The following UNC80 variants were observed in gnomAD, a reference collection of about 807,000 sequenced individuals.
The protein encoded by UNC80 is unc-80 subunit of NALCN channel complex.
A neutral mutation model predicts 384.6 loss-of-function variants in UNC80; 164 were observed. The observed-to-expected ratio is 0.43, with a 90% CI of 0.38 to 0.49. The LOEUF (loss-of-function observed/expected upper bound fraction) is 0.49. UNC80 is among the 20% of genes least tolerant of loss of function. The pLI is 0.00. For synonymous variants in UNC80, 1,486 were observed against 1,527.8 expected (o/e 0.97, Z 0.64); for missense variants, 3,330 against 4,143.0 (o/e 0.80, Z 5.39).
At chr2:209,852,979 T>C (rs1364447958) in intron 22 of UNC80, among the ~76,000 whole-genome samples, 1 of 152,088 alleles carries the variant, frequency 6.6e-6, no homozygotes, top group Admixed American at 6.6e-5. Context: ...GTTAGGTAGA[T>C]ATGCAAATGA....
At chr2:209,856,468 C>T (rs1402150093) in intron 22 of UNC80, among the ~76,000 whole-genome samples, 1 of 151,824 alleles carries the variant, frequency 6.6e-6, no homozygotes, top group Non-Finnish European at 1.5e-5. Flanking sequence ...AAAAATTATC[C>T]TTCATGGCTA....
chr2:209,944,212 A>T (rs1169232554), intron 45 of UNC80, among the ~76,000 whole-genome samples: 5 of 152,196 alleles, frequency 3.3e-5, no homozygotes, highest in Non-Finnish European at 5.9e-5. Flanking sequence ...TTTTTTAAAT[A>T]TTCAATTCAT....
intron 59 of UNC80, among the ~76,000 whole-genome samples, chr2:209,980,061 G>A (rs765044233): frequency 1.3e-5 from 2 of 152,156 alleles, no homozygotes; most frequent in Non-Finnish European, 2.9e-5. Context: ...TCCTGTGCCT[G>A]GCCTATAGAC....
In UNC80 at chr2:209,872,887, C is replaced by T. The variant is rs1167592386; in HGVS notation, c.3757C>T (p.Arg1253Trp). 7.7e-6 allele frequency: 12 copies of T among 1,551,402 alleles called. No individual in the cohort carries two copies. Among genetic ancestry groups the T allele is most frequent in the East Asian group, 7.3e-5 (3 of 40,892 alleles). ...HVNITKKGLS[R>W]GRSPIVGNKR... ...GAACATCACCAAGAAAGGACTTTCC[C>T]GGGGACGCTCTCCCATTGTGGGCAA... Residue 1253 changes from arginine (R) to tryptophan (W), a missense_variant, in exon 23 of 65, where the codon CGG (arginine) becomes TGG (tryptophan). Physicochemically the swap from Arg to Trp is moderately radical, Grantham distance 101 (BLOSUM62 -3). Around this residue, in one of 8 missense-constraint regions of UNC80, gnomAD observed 801 missense variants for 950.8 expected, o/e 0.84. Coordinates refer to ENST00000673920, the MANE Select transcript of UNC80 (RefSeq NM_001371986.1). This position sits in a 1 kb window ranked among gnomAD's most constrained non-coding sequence, Gnocchi z 4.1.
In UNC80 at chr2:209,887,016, C is replaced by G. The variant is rs560422875; in HGVS notation, c.4111-1079C>G. 1.1e-4 allele frequency among the ~76,000 whole-genome samples: 16 copies of G among 152,058 alleles called. No individual in the cohort carries two copies. In the South Asian group the frequency reaches 3.3e-3, roughly 32 times the overall value. The stretch of plus-strand genomic sequence containing the variant: ...CACATTTCTTGGCTTATAGCCCTTT[C>G]CTTCGTCTTTTTATTATTATTATTT... On this transcript the variant is annotated intron_variant, in intron 25 of 64. Transcript: ENST00000673920.
Position 209,867,922 on chromosome 2 carries a change from A to G in UNC80, c.3628-4836A>G, listed in dbSNP as rs369447235. Among the ~76,000 whole-genome samples the G allele has an allele frequency of 5.9e-5, 9 of 152,338 alleles. No homozygotes were observed. In the East Asian group the frequency reaches 9.6e-4, roughly 16 times the overall value. ...ATGAATTCTTCACTCTTACTTGATCATATTGTCAGAAACAGAAGTCCTCAT... is the reference window on the plus strand; with the variant it reads ...ATGAATTCTTCACTCTTACTTGATCGTATTGTCAGAAACAGAAGTCCTCAT... On this transcript the variant is annotated intron_variant, in intron 22 of 64. Coordinates refer to ENST00000673920, the MANE Select transcript of UNC80 (RefSeq NM_001371986.1).
chr2:209,862,476 A>G (rs2083410646), intron 22 of UNC80, among the ~76,000 whole-genome samples: 2 of 151,496 alleles, frequency 1.3e-5, no homozygotes, highest in Admixed American at 6.6e-5. Flanking sequence ...GTAGATCTCT[A>G]AGAACTTGCT....
intron 40 of UNC80, 126 bp downstream of exon 40, chr2:209,935,934 C>T: frequency 1.7e-6 from 1 of 586,062 alleles, no homozygotes; most frequent in Non-Finnish European, 3.0e-6. Context: ...CTTTACTCTT[C>T]TAAAATCTGC....
chr2:209,867,614 A>G (rs2083946726), intron 22 of UNC80, among the ~76,000 whole-genome samples: 1 of 151,984 alleles, frequency 6.6e-6, no homozygotes, highest in South Asian at 2.1e-4. Flanking sequence ...CTCCTTCCTG[A>G]GATCCTGGCT....
intron 27 of UNC80, among the ~76,000 whole-genome samples, chr2:209,894,720 G>T (rs974131500): frequency 1.3e-5 from 2 of 152,190 alleles, no homozygotes; most frequent in African/African-American, 4.8e-5. Flanking sequence ...ATTAGGGAAA[G>T]AAAACACTTT....
At chr2:209,943,326 A>T (rs1359938447) in intron 44 of UNC80, 54 bp from the exon 45 acceptor site, 1 of 1,544,146 alleles carries the variant, frequency 6.5e-7, no homozygotes, top group East Asian at 2.5e-5. Context: ...AAAAGCGAGT[A>T]CAACTTTGAT....
At chr2:209,866,590 A>G (rs1356286199) in intron 22 of UNC80, among the ~76,000 whole-genome samples, 1 of 150,964 alleles carries the variant, frequency 6.6e-6, no homozygotes, top group African/African-American at 2.4e-5. Flanking sequence ...AATAGTCAAT[A>G]GTATTGCAGT....
At chr2:209,911,682 G>A (rs1203258585) in intron 29 of UNC80, among the ~76,000 whole-genome samples, 2 of 152,080 alleles carry the variant, frequency 1.3e-5, no homozygotes, top group Non-Finnish European at 2.9e-5. Flanking sequence ...GTGTTTCACT[G>A]ACATGGCACT....
intron 29 of UNC80, among the ~76,000 whole-genome samples, chr2:209,906,955 T>C (rs186786628): frequency 6.6e-6 from 1 of 152,264 alleles, no homozygotes; most frequent in East Asian, 1.9e-4. Flanking sequence ...CTTCAGAATT[T>C]CTTACTGCTA....
chr2:209,912,802 CA>C, intron 30 of UNC80, 135 bp downstream of exon 30: 1 of 585,718 alleles, frequency 1.7e-6, no homozygotes, highest in Admixed American at 3.5e-5. Context: ...AGTTGGTGAG[CA>C]AGAGTGCCAC....
Position 209,772,060 on chromosome 2 carries a change from G to A in UNC80, c.-13G>A, listed in dbSNP as rs1044357364. 2.8e-5 allele frequency: 43 copies of A among 1,546,842 alleles called. No homozygotes were observed. In the Admixed American group the frequency reaches 8.2e-4, roughly 30 times the overall value. On this transcript the variant is annotated 5_prime_UTR_variant, in exon 1 of 65. Coordinates refer to ENST00000673920, the MANE Select transcript of UNC80 (RefSeq NM_001371986.1). Reference sequence around the variant, plus strand: ...AGCTGGGTCCTGCAGTAGGACTCCCGGGAGCCACCATTATGGTGAAGAGGA... The same window carrying A: ...AGCTGGGTCCTGCAGTAGGACTCCCAGGAGCCACCATTATGGTGAAGAGGA...
intron 21 of UNC80, among the ~76,000 whole-genome samples, chr2:209,843,517 G>A (rs1417562536): frequency 1.3e-5 from 2 of 151,830 alleles, no homozygotes; most frequent in African/African-American, 4.8e-5. Flanking sequence ...ATTTTGAGGA[G>A]AATCCATTTT....
chr2:209,878,660 A>G (rs2084996222), intron 24 of UNC80, among the ~76,000 whole-genome samples: 1 of 152,242 alleles, frequency 6.6e-6, no homozygotes. Flanking sequence ...ATTTCATCAT[A>G]GAAAAGTAGA....
At chr2:209,962,877 G>A (rs1261509380) in intron 51 of UNC80, among the ~76,000 whole-genome samples, 3 of 152,118 alleles carry the variant, frequency 2.0e-5, no homozygotes, top group East Asian at 3.9e-4. Flanking sequence ...ATAAATTTGC[G>A]AATTGAGGGT....
Sources: allele counts gnomAD v4.1 joint callset (sites outside exome capture counted in the v4.1 genomes callset), GRCh38; gene constraint gnomAD v4.1.1; regional missense constraint gnomAD v4.1.1; non-coding constraint Gnocchi (gnomAD v3.1); transcripts MANE v1.5; gene names NCBI Gene and HGNC (gene_info 2026-07-23, HGNC 2026-07-21).